Variants in HINT3 observed in about 807,000 individuals in gnomAD.
HINT3 encodes the protein histidine triad nucleotide binding protein 3.
In HINT3, 16 loss-of-function variants were observed where a neutral mutation model predicts 19.1. The ratio of observed to expected loss-of-function variants is 0.84; its 90% CI spans 0.57 to 1.27. HINT3 has a LOEUF of 1.27. Ranked by LOEUF, HINT3 falls within the 50% of genes most tolerant of loss-of-function variation. The pLI, the probability that HINT3 is intolerant of heterozygous loss-of-function variation, is 0.00. For synonymous variants in HINT3, 75 were observed against 84.8 expected (o/e 0.88, Z 0.63); for missense variants, 197 against 225.8 (o/e 0.87, Z 0.82).
chr6:125,960,812 C>G (rs899277608), intron 1 of HINT3, among the ~76,000 whole-genome samples: 2 of 152,138 alleles, frequency 1.3e-5, no homozygotes, highest in South Asian at 2.1e-4. Flanking sequence ...GTTGGACTGA[C>G]CCATAGAGTC....
At chr6:125,962,642 A>G (rs1455552129) in intron 1 of HINT3, among the ~76,000 whole-genome samples, 1 of 152,224 alleles carries the variant, frequency 6.6e-6, no homozygotes, top group African/African-American at 2.4e-5. Context: ...AGTTACCAGC[A>G]TCATGAGGGG....
At chr6:125,970,052 G>A (rs533532240) in intron 2 of HINT3, among the ~76,000 whole-genome samples, 12 of 152,074 alleles carry the variant, frequency 7.9e-5, no homozygotes, top group Non-Finnish European at 1.8e-4. Flanking sequence ...GGATTAGTTT[G>A]ATCAATATTT....
rs919177604 is a variant in HINT3, at chr6:125,979,943, T to C, written c.*2267T>C. 1 of 152,272 alleles carries C rather than the reference T, an allele frequency of 6.6e-6. No homozygotes were observed. The highest frequency in any genetic ancestry group is 1.5e-5 in the Non-Finnish European group (1 of 68,078). 9.4% of individuals were successfully genotyped at this position (152,272 alleles called of 1,614,324 possible). A position where few individuals can be genotyped will look rare whatever the true frequency, so the allele number is the denominator to read the frequency against. ...GTGGTATGGCCGTAGACAACCTATT[T>C]GTTAAAAACCCTTGGAAACACATCT... is the stretch of plus-strand genomic sequence containing the variant. On this transcript the variant is annotated 3_prime_UTR_variant, in exon 5 of 5. Coordinates refer to ENST00000229633, the MANE Select transcript of HINT3 (RefSeq NM_138571.5).
At chr6:125,973,679 G>A (rs1226868143) in intron 3 of HINT3, among the ~76,000 whole-genome samples, 2 of 152,196 alleles carry the variant, frequency 1.3e-5, no homozygotes, top group African/African-American at 4.8e-5. Flanking sequence ...ATTACCAAGT[G>A]TGATAATGAC....
intron 1 of HINT3, among the ~76,000 whole-genome samples, chr6:125,965,536 G>A (rs1235967743): frequency 6.6e-6 from 1 of 152,106 alleles, no homozygotes; most frequent in Non-Finnish European, 1.5e-5. Flanking sequence ...TGAGGCAGGA[G>A]GATCGCTTGA....
At chr6:125,972,889 C>T (rs1418154032) in intron 3 of HINT3, among the ~76,000 whole-genome samples, 2 of 151,932 alleles carry the variant, frequency 1.3e-5, no homozygotes, top group Non-Finnish European at 2.9e-5. Flanking sequence ...CCACACCCAG[C>T]AAATCTACTT....
chr6:125,969,601 G>A (rs2128711532), intron 2 of HINT3, among the ~76,000 whole-genome samples: 1 of 152,196 alleles, frequency 6.6e-6, no homozygotes, highest in Non-Finnish European at 1.5e-5. Context: ...TAACAATATT[G>A]ATTCTTCCAG....
intron 4 of HINT3, among the ~76,000 whole-genome samples, chr6:125,975,480 A>G (rs1421182087): frequency 6.6e-6 from 1 of 152,248 alleles, no homozygotes; most frequent in Non-Finnish European, 1.5e-5. Flanking sequence ...TTGTATCATC[A>G]ACATCATTGT....
chr6:125,963,620 G>A (rs373222320), intron 1 of HINT3, among the ~76,000 whole-genome samples: 29 of 152,128 alleles, frequency 1.9e-4, no homozygotes, highest in Non-Finnish European at 4.3e-4. Flanking sequence ...ATAAAAGTTG[G>A]TTCTTCCCTG....
intron 1 of HINT3, among the ~76,000 whole-genome samples, chr6:125,963,124 AG>A (rs1788967215): frequency 6.6e-6 from 1 of 152,152 alleles, no homozygotes; most frequent in African/African-American, 2.4e-5. Context: ...CGTGATCAAA[AG>A]GGCGTCTATG....
At chr6:125,960,659 G>GGGGGGC (rs1554209608) in intron 1 of HINT3, among the ~76,000 whole-genome samples, 1 of 144,920 alleles carries the variant, frequency 6.9e-6, no homozygotes, top group Non-Finnish European at 1.5e-5. Context: ...TCTCTCTGGG[G>GGGGGGC]GGGGGGAAAA....
Position 125,977,650 on chromosome 6 carries a change from C to T in HINT3, c.523C>T (p.His175Tyr), listed in dbSNP as rs780984691. 4 of 1,496,940 alleles carry T rather than the reference C, an allele frequency of 2.7e-6. No homozygotes were observed. In the Admixed American group the frequency reaches 8.0e-5, roughly 30 times the overall value. The allele number at this position is 1,496,940 out of a possible 1,614,324, so 92.7% of individuals were successfully genotyped here. A position where few individuals can be genotyped will look rare whatever the true frequency, so the allele number is the denominator to read the frequency against. The change falls in exon 5 of 5, where the codon CAC (histidine) becomes TAC (tyrosine). Residue 175 changes from histidine (H) to tyrosine (Y), a missense_variant. Physicochemically the swap from His to Tyr is moderately conservative, Grantham distance 83. Transcript: ENST00000229633. ...GTATGTTTTTTAATTACAGGCTGATCACTTGATTGAAAAACTAAGAACATG... is the reference window on the plus strand; with the variant it reads ...GTATGTTTTTTAATTACAGGCTGATTACTTGATTGAAAAACTAAGAACATG... Reference protein sequence around the residue: ...VNSYWFITADHLIEKLRT With the variant: ...VNSYWFITADYLIEKLRT
intron 2 of HINT3, among the ~76,000 whole-genome samples, chr6:125,968,671 A>G (rs1308787948): frequency 2.0e-5 from 3 of 152,184 alleles, no homozygotes; most frequent in Non-Finnish European, 4.4e-5. Context: ...CCTTACCAGC[A>G]TCTGTTATTT....
chr6:125,962,185 TACAC>T (rs67423612), intron 1 of HINT3, among the ~76,000 whole-genome samples: 437 of 35,486 alleles, frequency 0.012, 33 homozygotes, highest in Middle Eastern at 0.074. Flanking sequence ...TATATATATA[TACAC>T]ATATATATAT....
intron 3 of HINT3, among the ~76,000 whole-genome samples, chr6:125,973,469 T>C (rs1428160117): frequency 6.6e-6 from 1 of 152,174 alleles, no homozygotes; most frequent in Non-Finnish European, 1.5e-5. Flanking sequence ...ATAATGGAGA[T>C]TACTTCTAAC....
rs1191938030 is a variant in HINT3 at position 125,962,167 on chromosome 6, T to C, written c.202-4720T>C. On this transcript the variant is annotated intron_variant, in intron 1 of 4. Coordinates refer to ENST00000229633, the MANE Select transcript of HINT3 (RefSeq NM_138571.5). ...GGAAACCCATATATATATACACATATATATATATATATATATATACACATA... is the reference window on the plus strand; with the variant it reads ...GGAAACCCATATATATATACACATACATATATATATATATATATACACATA... 8.8e-4 allele frequency among the ~76,000 whole-genome samples: 9 copies of C among 10,230 alleles called. No homozygotes were observed. In the African/African-American group the frequency reaches 0.013, roughly 14 times the overall value. The allele number at this position is 10,230 out of a possible 152,430, so 6.7% of individuals were successfully genotyped here.
rs528654110 is a variant in HINT3 at position 125,968,496 on chromosome 6, TAGGA to T, written c.319+1493_319+1496del. On this transcript the variant is annotated intron_variant, in intron 2 of 4. Transcript: ENST00000229633. ...CATACAAGTGCATGTGTCTTTTTGG[TAGGA>T]TAATTTGTTTTCTTTTGGATATATA... 3.3e-5 allele frequency among the ~76,000 whole-genome samples: 5 copies of T among 152,320 alleles called. No individual in the cohort carries two copies. In the South Asian group the frequency reaches 1.0e-3, roughly 32 times the overall value.
Position 125,974,949 on chromosome 6 carries a change from A to C in HINT3, c.492A>C (p.Arg164Ser). The C allele has an allele frequency of 6.2e-7, 1 of 1,613,960 alleles. No homozygotes were observed. The highest frequency in any genetic ancestry group is 8.5e-7 in the Non-Finnish European group (1 of 1,179,870). Residue 164 changes from arginine (R) to serine (S), a missense_variant, in exon 4 of 5, where the codon AGA (arginine) becomes AGC (serine). By Grantham distance (110) the Arg-to-Ser change is moderately radical. Coordinates refer to ENST00000229633, the MANE Select transcript of HINT3 (RefSeq NM_138571.5). ...QLGFLSKLVY[R>S]VNSYWFITAD... ...GCTTCTTATCCAAGTTGGTTTATAG[A>C]GTCAATTCCTATTGGTTTATCACAG...
At chr6:125,966,477 C>T (rs908898565) in intron 1 of HINT3, among the ~76,000 whole-genome samples, 2 of 152,018 alleles carry the variant, frequency 1.3e-5, no homozygotes, top group African/African-American at 4.8e-5. Context: ...GAAAATGCTA[C>T]GTTGGGAAAA....
Sources: allele counts gnomAD v4.1 joint callset (sites outside exome capture counted in the v4.1 genomes callset), GRCh38; gene constraint gnomAD v4.1.1; transcripts MANE v1.5; gene names NCBI Gene and HGNC (gene_info 2026-07-23, HGNC 2026-07-21).